LARGE1: variants seen among roughly 807,000 people sequenced by gnomAD.
LARGE1 encodes LARGE xylosyl- and glucuronyltransferase 1, also known as xylosyl- and glucuronyltransferase LARGE1.
Under a neutral mutation model 87.6 loss-of-function variants are expected in LARGE1, and 43 were observed. The ratio of observed to expected loss-of-function variants is 0.49; its 90% CI spans 0.38 to 0.63. The LOEUF (loss-of-function observed/expected upper bound fraction) is 0.63. Ranked by LOEUF, LARGE1 falls within the 30% of genes least tolerant of loss-of-function variation. LARGE1 has a pLI of 0.00. For missense variants in LARGE1, 802 were observed against 1,000.2 expected (o/e 0.80, Z 2.67); for synonymous variants, 434 against 394.6 (o/e 1.10, Z -1.18).
chr22:33,296,301 ACAGTTTTCTT>A (rs2146046551), intron 12 of LARGE1, among the ~76,000 whole-genome samples: 1 of 152,344 alleles, frequency 6.6e-6, no homozygotes, highest in East Asian at 1.9e-4. Context: ...ACTTTGTGCC[ACAGTTTTCTT>A]CTCTGTGAGC....
chr22:33,248,354 A>AT (rs935828598), intron 11 of LARGE1, among the ~76,000 whole-genome samples: 2 of 151,978 alleles, frequency 1.3e-5, no homozygotes, highest in Non-Finnish European at 2.9e-5. Context: ...CACCTAGCTA[A>AT]TTTTTTTGTG....
the LARGE1 span, among the ~76,000 whole-genome samples, chr22:33,143,607 AT>A: frequency 1.3e-5 from 2 of 151,290 alleles, no homozygotes; most frequent in East Asian, 3.9e-4. Flanking sequence ...CCTGCATGTG[AT>A]TTTTTTTTCA....
At chr22:33,546,758 A>G (rs1602359426) in intron 6 of LARGE1, among the ~76,000 whole-genome samples, 1 of 152,100 alleles carries the variant, frequency 6.6e-6, no homozygotes, top group East Asian at 1.9e-4. Flanking sequence ...TAATTTTTGT[A>G]TTTTTAGTAG....
the LARGE1 span, among the ~76,000 whole-genome samples, chr22:33,118,513 A>AG: frequency 5.9e-5 from 9 of 151,568 alleles, no homozygotes; most frequent in Non-Finnish European, 1.3e-4. Flanking sequence ...AGAAAAAAAA[A>AG]AAAAAAAGAA....
chr22:33,813,781 C>T (rs1215116199), intron 1 of LARGE1, among the ~76,000 whole-genome samples: 3 of 152,118 alleles, frequency 2.0e-5, no homozygotes, highest in African/African-American at 7.2e-5. Context: ...TTTTCCCAAA[C>T]TCTTGCATTC....
intron 7 of LARGE1, among the ~76,000 whole-genome samples, chr22:33,410,826 G>C (rs937740166): frequency 6.6e-6 from 1 of 152,114 alleles, no homozygotes. Flanking sequence ...GAACCTTGCT[G>C]AGCCTCCATC....
chr22:33,882,028 T>C (rs2064700589), intron 1 of LARGE1, among the ~76,000 whole-genome samples: 1 of 144,084 alleles, frequency 6.9e-6, no homozygotes, highest in Admixed American at 6.6e-5. Flanking sequence ...GGGGTTTTTT[T>C]GTTTTTGTTT....
the LARGE1 span, among the ~76,000 whole-genome samples, chr22:33,111,621 C>T: frequency 0.016 from 2,469 of 152,194 alleles, 73 homozygotes; most frequent in African/African-American, 0.057. Flanking sequence ...CCTCAAAAAA[C>T]GTCATGGCAA....
At chr22:33,622,005 G>T (rs1220833324) in intron 4 of LARGE1, among the ~76,000 whole-genome samples, 2 of 152,132 alleles carry the variant, frequency 1.3e-5, no homozygotes, top group Admixed American at 6.5e-5. Flanking sequence ...CTGTCCCATG[G>T]AATACAAGCC....
chr22:33,848,378 G>A (rs1359568524), intron 1 of LARGE1, among the ~76,000 whole-genome samples: 1 of 151,278 alleles, frequency 6.6e-6, no homozygotes, highest in Non-Finnish European at 1.5e-5. Flanking sequence ...ATGGGCCCTA[G>A]GGGTAAGAAA....
chr22:33,068,567 C>T, the LARGE1 span, among the ~76,000 whole-genome samples: 4 of 152,150 alleles, frequency 2.6e-5, no homozygotes, highest in African/African-American at 9.7e-5. Context: ...ATGGCGTGGA[C>T]CCAGGATGTG....
the LARGE1 span, among the ~76,000 whole-genome samples, chr22:33,131,490 T>G: frequency 6.6e-6 from 1 of 152,168 alleles, no homozygotes; most frequent in African/African-American, 2.4e-5. Flanking sequence ...CTGAGTCATT[T>G]ATAAAGGAAA....
At chr22:33,836,672 C>T (rs113692321) in intron 1 of LARGE1, among the ~76,000 whole-genome samples, 2,030 of 152,218 alleles carry the variant, frequency 0.013, 46 homozygotes, top group African/African-American at 0.047. Context: ...CAGCAACAAG[C>T]CACCTGGGTT....
At chr22:33,186,530 A>C (rs1923485121) in intron 11 of LARGE1, among the ~76,000 whole-genome samples, 1 of 152,182 alleles carries the variant, frequency 6.6e-6, no homozygotes, top group Non-Finnish European at 1.5e-5. Context: ...AAAATCTTTG[A>C]GCTAACATAA....
intron 1 of LARGE1, among the ~76,000 whole-genome samples, chr22:33,874,168 C>G (rs1412064313): frequency 1.3e-5 from 2 of 152,170 alleles, no homozygotes; most frequent in African/African-American, 4.8e-5. Flanking sequence ...TAACTCGGTC[C>G]TTTGTGACAG....
intron 3 of LARGE1, among the ~76,000 whole-genome samples, chr22:33,631,859 C>A (rs895818054): frequency 1.3e-5 from 2 of 152,140 alleles, no homozygotes; most frequent in African/African-American, 2.4e-5. Context: ...AACACATGAG[C>A]GATGTGTTGC....
intron 9 of LARGE1, among the ~76,000 whole-genome samples, chr22:33,377,557 T>C (rs1488004956): frequency 1.3e-5 from 2 of 152,264 alleles, no homozygotes; most frequent in Non-Finnish European, 2.9e-5. Flanking sequence ...GACAATACTT[T>C]AGCAGTTTCT....
At chr22:33,108,194 G>A in the LARGE1 span, among the ~76,000 whole-genome samples, 7 of 152,200 alleles carry the variant, frequency 4.6e-5, no homozygotes, top group Admixed American at 6.5e-5. Context: ...AGTACTCAGC[G>A]TGTACTCATC....
At position 33,855,897 on chromosome 22, in the gene LARGE1, C is replaced by T. The variant is rs533188149; in HGVS notation, c.-83+64098G>A. 1.3e-4 allele frequency among the ~76,000 whole-genome samples: 20 copies of T among 152,228 alleles called. No individual in the cohort carries two copies. The South Asian group carries it at 2.5e-3, about 19-fold the overall frequency. On this transcript the variant is annotated intron_variant, in intron 1 of 14. Coordinates refer to ENST00000397394, the MANE Select transcript of LARGE1 (RefSeq NM_133642.5). ...AGGACTACTGTCATCTCTTCACATG[C>T]CCCCTTTTTATTAAGACAAAGAAAC...
Sources: allele counts gnomAD v4.1 joint callset (sites outside exome capture counted in the v4.1 genomes callset), GRCh38; gene constraint gnomAD v4.1.1; transcripts MANE v1.5; gene names NCBI Gene and HGNC (gene_info 2026-07-23, HGNC 2026-07-21).